Variants in ANKS1B observed in about 807,000 individuals in gnomAD.
ANKS1B encodes the protein ankyrin repeat and sterile alpha motif domain-containing protein 1B.
A neutral mutation model predicts 148.3 loss-of-function variants in ANKS1B; 36 were observed. That is an observed-to-expected ratio of 0.24 (90% CI 0.19 to 0.32). The LOEUF is 0.32. ANKS1B is among the 10% of genes least tolerant of loss of function. ANKS1B has a pLI of 1.00. For synonymous variants in ANKS1B, 542 were observed against 560.8 expected (o/e 0.97, Z 0.47); for missense variants, 1,157 against 1,542.6 (o/e 0.75, Z 4.19).
intron 12 of ANKS1B, among the ~76,000 whole-genome samples, chr12:99,318,658 G>T (rs576906825): frequency 4.8e-4 from 73 of 151,914 alleles, no homozygotes; most frequent in Admixed American, 8.5e-4. Context: ...GTTTTTTTAT[G>T]TCTCTATCTC....
chr12:99,025,856 A>T (rs1444422938), intron 17 of ANKS1B, among the ~76,000 whole-genome samples: 1 of 152,222 alleles, frequency 6.6e-6, no homozygotes, highest in African/African-American at 2.4e-5. Context: ...GGTGCTTCTC[A>T]GTGTCAATAA....
At chr12:98,790,092 A>T (rs574360406) in intron 22 of ANKS1B, among the ~76,000 whole-genome samples, 1 of 152,312 alleles carries the variant, frequency 6.6e-6, no homozygotes, top group African/African-American at 2.4e-5. Context: ...ATAAAATTTT[A>T]AAAATGTATG....
rs199584709 is a variant in ANKS1B, at chr12:99,040,264, A to ATGTGCG, written c.2778+12887_2778+12892dup. Reference sequence around the variant, plus strand: ...TCTCTCTCACTCTTTCTCTCTCTCTATGTGCGTGTGCGTGTGTGTGTGTGT... The same window carrying ATGTGCG: ...TCTCTCTCACTCTTTCTCTCTCTCTATGTGCGTGTGCGTGTGCGTGTGTGTGTGTGT... On this transcript the variant is annotated intron_variant, in intron 17 of 26. Transcript: ENST00000683438. 2.5e-4 allele frequency among the ~76,000 whole-genome samples: 38 copies of ATGTGCG among 151,162 alleles called. 1 individual carries two copies. Among genetic ancestry groups the ATGTGCG allele is most frequent in the Admixed American group, 2.0e-3 (30 of 15,194 alleles).
chr12:99,364,836 C>T (rs770992787), intron 12 of ANKS1B, among the ~76,000 whole-genome samples: 1 of 152,194 alleles, frequency 6.6e-6, no homozygotes, highest in African/African-American at 2.4e-5. Context: ...TATACTCCCA[C>T]CTTCCACAAA....
rs183626049 is a variant in ANKS1B at position 99,823,535 on chromosome 12, G to C, written c.215+1774C>G. On this transcript the variant is annotated intron_variant, in intron 2 of 26. Transcript: ENST00000683438. ...TGGTCAGGCTGGTCTCAAACTTCTG[G>C]CCTCAAGCTATCCACCTGCTTCGGC... Among the ~76,000 whole-genome samples the C allele has an allele frequency of 5.3e-5, 8 of 152,138 alleles. No homozygotes were observed. In the East Asian group the frequency reaches 1.6e-3, roughly 29 times the overall value.
Position 98,745,673 on chromosome 12 carries a change from G to A in ANKS1B, c.*66C>T. The A allele has an allele frequency of 6.3e-7, 1 of 1,588,772 alleles. No homozygotes were observed. The highest frequency in any genetic ancestry group is 8.6e-7 in the Non-Finnish European group (1 of 1,167,202). On this transcript the variant is annotated 3_prime_UTR_variant, in exon 27 of 27. Transcript: ENST00000683438. Reference sequence around the variant, plus strand: ...CTGGGCTGGGTGGACGCGGAGGCGCGAAGGAAAGCCTGCTCCGGGACCGCT... The same window carrying A: ...CTGGGCTGGGTGGACGCGGAGGCGCAAAGGAAAGCCTGCTCCGGGACCGCT...
At chr12:99,087,193 C>T (rs2052198226) in intron 15 of ANKS1B, among the ~76,000 whole-genome samples, 1 of 152,240 alleles carries the variant, frequency 6.6e-6, no homozygotes, top group South Asian at 2.1e-4. Context: ...AGACTAACAT[C>T]TTTCCCTGGA....
intron 12 of ANKS1B, among the ~76,000 whole-genome samples, chr12:99,346,920 A>C (rs192386763): frequency 2.4e-3 from 369 of 152,120 alleles, no homozygotes; most frequent in African/African-American, 8.4e-3. Context: ...ACTGTAACCC[A>C]GTGGAAGAGG....
At chr12:99,249,875 C>T (rs1234388661) in intron 12 of ANKS1B, among the ~76,000 whole-genome samples, 1 of 152,258 alleles carries the variant, frequency 6.6e-6, no homozygotes, top group Admixed American at 6.5e-5. Flanking sequence ...TGTGAACAAG[C>T]CAGGCTGGCC....
At chr12:99,764,295 G>A (rs1006946124) in intron 8 of ANKS1B, among the ~76,000 whole-genome samples, 2 of 152,184 alleles carry the variant, frequency 1.3e-5, no homozygotes, top group African/African-American at 4.8e-5. Context: ...GCATAATGAT[G>A]CAAATAGTTA....
chr12:98,921,374 T>C (rs750305993), intron 17 of ANKS1B, among the ~76,000 whole-genome samples: 1 of 152,186 alleles, frequency 6.6e-6, no homozygotes, highest in Admixed American at 6.5e-5. Flanking sequence ...CTCTATAATA[T>C]TGTAGTAAGA....
chr12:99,397,653 T>C (rs73372081), intron 12 of ANKS1B, among the ~76,000 whole-genome samples: 5,957 of 152,254 alleles, frequency 0.039, 336 homozygotes, highest in African/African-American at 0.12. Flanking sequence ...TAGTTACTTA[T>C]GTTCTTTGTG....
At chr12:99,576,731 A>C (rs904980526) in intron 9 of ANKS1B, among the ~76,000 whole-genome samples, 3 of 152,104 alleles carry the variant, frequency 2.0e-5, no homozygotes, top group African/African-American at 7.2e-5. Context: ...ACACAGCTAA[A>C]GTAGTTTTAA....
chr12:99,412,496 T>C (rs898704241), intron 11 of ANKS1B, among the ~76,000 whole-genome samples: 14 of 152,200 alleles, frequency 9.2e-5, no homozygotes, highest in Admixed American at 9.2e-4. Flanking sequence ...AATGAGGATG[T>C]CAAATCCACT....
intron 1 of ANKS1B, among the ~76,000 whole-genome samples, chr12:99,858,302 T>C (rs1305104615): frequency 6.6e-6 from 1 of 152,112 alleles, no homozygotes; most frequent in Non-Finnish European, 1.5e-5. Flanking sequence ...ACATCACTAA[T>C]GACCAGAGAA....
chr12:99,814,020 T>A (rs2068771876), intron 2 of ANKS1B, among the ~76,000 whole-genome samples: 1 of 151,750 alleles, frequency 6.6e-6, no homozygotes, highest in Non-Finnish European at 1.5e-5. Context: ...TTTAGATACA[T>A]AAATACTTTC....
At chr12:99,645,872 C>T (rs1034434581) in intron 9 of ANKS1B, among the ~76,000 whole-genome samples, 2 of 152,290 alleles carry the variant, frequency 1.3e-5, no homozygotes, top group African/African-American at 4.8e-5. Flanking sequence ...CCACCGTTGT[C>T]AGTCTACTGA....
chr12:99,606,315 T>A (rs2097851118), intron 9 of ANKS1B, among the ~76,000 whole-genome samples: 1 of 152,182 alleles, frequency 6.6e-6, no homozygotes, highest in South Asian at 2.1e-4. Flanking sequence ...CAAAAATGTG[T>A]TCTTTATTCA....
At chr12:99,759,174 T>C (rs899603448) in intron 8 of ANKS1B, among the ~76,000 whole-genome samples, 1 of 151,878 alleles carries the variant, frequency 6.6e-6, no homozygotes, top group Non-Finnish European at 1.5e-5. Flanking sequence ...AGCTATCACC[T>C]AAATGGAACT....
Sources: allele counts gnomAD v4.1 joint callset (sites outside exome capture counted in the v4.1 genomes callset), GRCh38; gene constraint gnomAD v4.1.1; transcripts MANE v1.5; gene names NCBI Gene and HGNC (gene_info 2026-07-23, HGNC 2026-07-21).